The following ATXN8OS variants were observed in gnomAD, a reference collection of about 807,000 sequenced individuals.
ATXN8OS encodes the protein ATXN8 opposite strand lncRNA.
intron 4 of ATXN8OS, among the ~76,000 whole-genome samples, chr13:70,149,738 G>C (rs1888839137): frequency 6.6e-6 from 1 of 152,128 alleles, no homozygotes; most frequent in Admixed American, 6.6e-5. Context: ...TTCAGCTACT[G>C]CTGGGGCTAG....
intron 4 of ATXN8OS, among the ~76,000 whole-genome samples, chr13:70,151,571 G>A (rs1029000899): frequency 1.3e-5 from 2 of 152,000 alleles, no homozygotes; most frequent in East Asian, 3.9e-4. Flanking sequence ...TCAATAATCT[G>A]TAGAAAATTA....
At chr13:70,171,693 G>A (rs1406359295) in exon 5 of ATXN8OS, among the ~76,000 whole-genome samples, 1 of 151,926 alleles carries the variant, frequency 6.6e-6, no homozygotes, top group Non-Finnish European at 1.5e-5. Flanking sequence ...AACTTTCATT[G>A]ACTTTTTCTT....
chr13:70,157,324 A>G (rs1159698962), intron 4 of ATXN8OS, among the ~76,000 whole-genome samples: 1 of 152,144 alleles, frequency 6.6e-6, no homozygotes, highest in African/African-American at 2.4e-5. Flanking sequence ...GTTTAAAAAT[A>G]AAGAACATAA....
intron 4 of ATXN8OS, among the ~76,000 whole-genome samples, chr13:70,151,677 T>A (rs920808106): frequency 5.3e-5 from 8 of 152,076 alleles, no homozygotes; most frequent in Non-Finnish European, 1.0e-4. Flanking sequence ...AGAAATAGGG[T>A]AACATATACT....
intron 4 of ATXN8OS, among the ~76,000 whole-genome samples, chr13:70,164,085 A>G (rs1889045638): frequency 7.9e-6 from 1 of 126,234 alleles, no homozygotes; most frequent in South Asian, 2.6e-4. Flanking sequence ...TATTATTATT[A>G]TTATTATTAT....
intron 2 of ATXN8OS, among the ~76,000 whole-genome samples, chr13:70,125,177 C>A (rs149857383): frequency 9.9e-5 from 15 of 152,182 alleles, no homozygotes; most frequent in African/African-American, 3.6e-4. Context: ...ATCTTTGTAT[C>A]CTCTGCTATT....
At chr13:70,163,790 A>G (rs960211717) in intron 4 of ATXN8OS, among the ~76,000 whole-genome samples, 4 of 151,660 alleles carry the variant, frequency 2.6e-5, no homozygotes, top group Non-Finnish European at 5.9e-5. Context: ...GGCTTTCTAA[A>G]TGAAATATCT....
intron 1 of ATXN8OS, among the ~76,000 whole-genome samples, chr13:70,114,178 A>G (rs1302526968): frequency 1.3e-5 from 2 of 152,126 alleles, no homozygotes; most frequent in Non-Finnish European, 2.9e-5. Flanking sequence ...TCAGTTTTAC[A>G]CCCAGTCAGG....
At chr13:70,138,914 C>T (rs1158610733) in intron 3 of ATXN8OS, among the ~76,000 whole-genome samples, 1 of 151,900 alleles carries the variant, frequency 6.6e-6, no homozygotes, top group East Asian at 1.9e-4. Flanking sequence ...GAATTCATGC[C>T]TATAATTTAT....
At position 70,134,666 on chromosome 13, in the gene ATXN8OS, ATG is replaced by A. The variant is rs544439881; in HGVS notation, n.499+4786_499+4787del. On this transcript the variant is annotated intron_variant and non_coding_transcript_variant, in intron 3 of 4. Transcript: ENST00000678624. ...ATAGAGGCAAGCACTGGATTCAACA[ATG>A]TGTTTCCTGAATAGAAAAGAGACAG... Among the ~76,000 whole-genome samples the A allele has an allele frequency of 4.3e-3, 662 of 152,316 alleles. 2 individuals are homozygous for A. Among genetic ancestry groups the A allele is most frequent in the Non-Finnish European group, 5.7e-3 (391 of 68,032 alleles).
intron 4 of ATXN8OS, among the ~76,000 whole-genome samples, chr13:70,158,061 G>A (rs1236011043): frequency 6.6e-6 from 1 of 152,174 alleles, no homozygotes; most frequent in African/African-American, 2.4e-5. Context: ...ATTCTCTAAA[G>A]AGGAGATTGT....
chr13:70,124,494 C>T lies in ATXN8OS; in HGVS notation n.399-5290C>T, dbSNP rs185557356. Among the ~76,000 whole-genome samples, 33 of 151,982 alleles carry T rather than the reference C, an allele frequency of 2.2e-4. 1 individual carries two copies. The East Asian group carries it at 3.3e-3, about 15-fold the overall frequency. The stretch of plus-strand genomic sequence containing the variant: ...CTGAATAAATAGGTAGGAGGGTGGA[C>T]GGGAGTTTAGCAGTTACCAACAGGC... On this transcript the variant is annotated intron_variant and non_coding_transcript_variant, in intron 2 of 4. Transcript: ENST00000678624.
chr13:70,125,969 G>A (rs952620810), intron 2 of ATXN8OS, among the ~76,000 whole-genome samples: 15 of 152,058 alleles, frequency 9.9e-5, no homozygotes, highest in Admixed American at 2.6e-4. Flanking sequence ...AAAGACAAGC[G>A]GTGTGATGCA....
In ATXN8OS at chr13:70,111,579, C is replaced by A. The variant is rs567460546; in HGVS notation, n.240+3560C>A. Among the ~76,000 whole-genome samples, 809 of 152,210 alleles carry A rather than the reference C, an allele frequency of 5.3e-3. 7 individuals carry two copies. Among genetic ancestry groups the A allele is most frequent in the African/African-American group, 0.018 (768 of 41,538 alleles). On this transcript the variant is annotated intron_variant and non_coding_transcript_variant, in intron 1 of 4. Coordinates refer to ENST00000678624, the Ensembl canonical transcript of ATXN8OS. ...CGAGACCCAATCACCTCCTAAATGC[C>A]CCCCTCTCAATATTCCACAACAGAG...
At chr13:70,131,158 T>C (rs1395395017) in intron 3 of ATXN8OS, 1 of 398,392 alleles carries the variant, frequency 2.5e-6, no homozygotes, top group Non-Finnish European at 4.4e-6. Context: ...GCAGGAATGG[T>C]GTCCTAAGGA....
chr13:70,144,815 A>C (rs1029332608), intron 3 of ATXN8OS, among the ~76,000 whole-genome samples: 2 of 152,144 alleles, frequency 1.3e-5, no homozygotes, highest in African/African-American at 4.8e-5. Flanking sequence ...CCAGGAGTTT[A>C]ATAGTTTTCC....
intron 4 of ATXN8OS, among the ~76,000 whole-genome samples, chr13:70,154,104 T>C (rs1042723911): frequency 6.6e-6 from 1 of 152,190 alleles, no homozygotes; most frequent in African/African-American, 2.4e-5. Context: ...TTTAACCATA[T>C]TGAACAAGTG....
chr13:70,118,380 A>G (rs541612636), intron 2 of ATXN8OS, among the ~76,000 whole-genome samples: 1 of 152,090 alleles, frequency 6.6e-6, no homozygotes, highest in African/African-American at 2.4e-5. Context: ...GACCATTAAT[A>G]TTTATTGAAC....
intron 4 of ATXN8OS, among the ~76,000 whole-genome samples, chr13:70,158,690 G>A (rs9317887): frequency 0.49 from 75,055 of 152,080 alleles, 20,400 homozygotes; most frequent in Non-Finnish European, 0.62. Context: ...GCCATAGACA[G>A]TATATAAACA....
Sources: gnomAD v4.1 joint callset for allele counts (sites outside exome capture counted in the v4.1 genomes callset) on GRCh38, gnomAD v4.1.1 for gene constraint, MANE v1.5 for transcripts, NCBI Gene and HGNC (gene_info 2026-07-23, HGNC 2026-07-21) for gene names.